Variants in DPY19L1 observed in about 807,000 individuals in gnomAD.
DPY19L1 encodes dpy-19 like C-mannosyltransferase 1, also known as protein C-mannosyl-transferase DPY19L1.
DPY19L1 carries 35 observed loss-of-function variants against 96.9 expected under a neutral mutation model. That is an observed-to-expected ratio of 0.36 (90% CI 0.28 to 0.48). DPY19L1 has a LOEUF of 0.48. DPY19L1 is among the 20% of genes least tolerant of loss of function. The probability of loss-of-function intolerance (pLI) is 0.99; values close to 1 mark genes in which losing one functional copy is unlikely to be tolerated. For synonymous variants in DPY19L1, 205 were observed against 252.6 expected, an observed-to-expected ratio of 0.81 and a Z score of 1.79; for missense variants, 521 against 777.9, an observed-to-expected ratio of 0.67 and a Z score of 3.93.
chr7:34,989,994 G>A, intron 6 of DPY19L1, 53 bp from the exon 7 acceptor site: 1 of 1,491,628 alleles, frequency 6.7e-7, no homozygotes, highest in Non-Finnish European at 9.2e-7. Context: ...TCAATCCTAA[G>A]AAAAACCTTA....
At chr7:34,962,692 G>GT (rs1044232280) in intron 10 of DPY19L1, among the ~76,000 whole-genome samples, 4 of 151,690 alleles carry the variant, frequency 2.6e-5, no homozygotes, top group African/African-American at 9.7e-5. Flanking sequence ...GCAAGATCCT[G>GT]TATCAAAAAA....
intron 7 of DPY19L1, among the ~76,000 whole-genome samples, chr7:34,982,978 T>A (rs1464784673): frequency 6.6e-6 from 1 of 152,072 alleles, no homozygotes; most frequent in Non-Finnish European, 1.5e-5. Context: ...AAAGGAATCA[T>A]CCCCTGAGTT....
At chr7:34,937,583 T>TA (rs963082012) in intron 21 of DPY19L1, among the ~76,000 whole-genome samples, 4 of 151,306 alleles carry the variant, frequency 2.6e-5, no homozygotes, top group African/African-American at 4.8e-5. Flanking sequence ...AATCATTATT[T>TA]AAAAAAAAAA....
rs553668700 is a variant in DPY19L1, at chr7:34,962,549, A to C, written c.1092+4345T>G. Among the ~76,000 whole-genome samples, 8 of 152,294 alleles carry C rather than the reference A, an allele frequency of 5.3e-5. No homozygotes were observed. In the East Asian group the frequency reaches 1.5e-3, roughly 29 times the overall value. On this transcript the variant is annotated intron_variant, in intron 10 of 21. Coordinates refer to ENST00000638088, the MANE Select transcript of DPY19L1 (RefSeq NM_001366673.1). ...TGTCATTATACATTTGTCAAAATCCAGGCCGATTGTGGTGGCTCACATCTG... is the reference window on the plus strand; with the variant it reads ...TGTCATTATACATTTGTCAAAATCCCGGCCGATTGTGGTGGCTCACATCTG...
At chr7:35,031,731 G>A (rs1786265110) in intron 1 of DPY19L1, among the ~76,000 whole-genome samples, 1 of 152,080 alleles carries the variant, frequency 6.6e-6, no homozygotes, top group Non-Finnish European at 1.5e-5. Flanking sequence ...TATCAAATTT[G>A]TTATTTGGAT....
At chr7:35,018,431 T>G in intron 2 of DPY19L1, 141 bp downstream of exon 2, 1 of 707,560 alleles carries the variant, frequency 1.4e-6, no homozygotes. Flanking sequence ...TCAATTAAAC[T>G]AGTTTTTCAG....
chr7:34,993,159 T>C, intron 6 of DPY19L1, among the ~76,000 whole-genome samples: 1 of 152,244 alleles, frequency 6.6e-6, no homozygotes, highest in East Asian at 1.9e-4. Flanking sequence ...TGTATTTAAA[T>C]ATGTTGATAT....
At position 34,939,353 on chromosome 7, in the gene DPY19L1, C is replaced by A; in HGVS notation, c.1887G>T (p.Met629Ile). The A allele has an allele frequency of 6.2e-7, 1 of 1,613,958 alleles. No homozygotes were observed. The highest frequency in any genetic ancestry group is 1.1e-5 in the South Asian group (1 of 91,034). ...AGAGCTTAACACTTGCCATCGTGGG[C>A]ATGGCACCCGCAAACACTGCATCTG... Reference protein sequence around the residue: ...TKPDAVFAGAMPTMASVKLSA... With the variant: ...TKPDAVFAGAIPTMASVKLSA... Residue 629 changes from methionine to isoleucine, a missense_variant, in exon 20 of 22, where the codon ATG (methionine) becomes ATT (isoleucine). Transcript: ENST00000638088.
intron 4 of DPY19L1, 67 bp from the exon 5 acceptor site, chr7:35,011,517 T>C (rs1271112152): frequency 3.6e-6 from 5 of 1,400,278 alleles, no homozygotes; most frequent in South Asian, 2.7e-5. Context: ...TAGAATACTT[T>C]TGAGATACTT....
At chr7:35,018,095 AC>A (rs1785904212) in intron 2 of DPY19L1, 126 bp from the exon 3 acceptor site, 1 of 577,410 alleles carries the variant, frequency 1.7e-6, no homozygotes, top group South Asian at 3.2e-5. Context: ...ACACTCAAAT[AC>A]AATAGTATCT....
At chr7:35,031,818 A>G (rs1786266869) in intron 1 of DPY19L1, among the ~76,000 whole-genome samples, 1 of 152,238 alleles carries the variant, frequency 6.6e-6, no homozygotes, top group African/African-American at 2.4e-5. Context: ...GATTATAAAC[A>G]TTCTTTAGAG....
chr7:34,942,836 A>G (rs938232492), intron 16 of DPY19L1, among the ~76,000 whole-genome samples, 197 bp from the exon 17 acceptor site: 20 of 152,234 alleles, frequency 1.3e-4, no homozygotes, highest in Admixed American at 1.0e-3. Flanking sequence ...ATGAAGAATG[A>G]CAATGTTGTA....
chr7:34,985,056 G>A (rs569003051), intron 7 of DPY19L1, among the ~76,000 whole-genome samples: 1 of 152,274 alleles, frequency 6.6e-6, no homozygotes, highest in East Asian at 1.9e-4. Context: ...ACACTGGAAA[G>A]AAGGGAAGAA....
At position 34,949,847 on chromosome 7, in the gene DPY19L1, CA is replaced by C; in HGVS notation, c.1371del (p.Phe457LeufsTer21). On this transcript the variant is annotated frameshift_variant, in exon 14 of 22. Coordinates refer to ENST00000638088, the MANE Select transcript of DPY19L1 (RefSeq NM_001366673.1). LOFTEE classifies it high-confidence loss of function. ...GCTGCACAGGTATACAATAAAGTAT[CA>C]AAATCCTTATAACTAAAGAATTTTG... ...LTSKFFSYKDFDTLLYTCAAE... is the reference protein window; with the variant it reads ...LTSKFFSYKDXDTLLYTCAAE... 6.2e-7 allele frequency: 1 copy of C among 1,602,746 alleles called. No homozygotes were observed. Among genetic ancestry groups the C allele is most frequent in the South Asian group, 1.1e-5 (1 of 88,110 alleles).
intron 7 of DPY19L1, among the ~76,000 whole-genome samples, chr7:34,983,624 C>T (rs112554744): frequency 6.6e-5 from 10 of 150,880 alleles, no homozygotes; most frequent in East Asian, 1.9e-4. Flanking sequence ...AATAAAGCAC[C>T]GCCAACTCCT....
At chr7:34,961,343 C>A (rs1454792576) in intron 10 of DPY19L1, among the ~76,000 whole-genome samples, 3 of 152,160 alleles carry the variant, frequency 2.0e-5, no homozygotes, top group African/African-American at 7.2e-5. Flanking sequence ...AATAGACTCA[C>A]ATATATAGTC....
chr7:34,986,809 C>T (rs150242670), intron 7 of DPY19L1, among the ~76,000 whole-genome samples: 343 of 152,006 alleles, frequency 2.3e-3, no homozygotes, highest in Non-Finnish European at 3.4e-3. Context: ...GGAGGCAATC[C>T]GTTAATTTAC....
chr7:34,942,293 A>G (rs1381236386), intron 17 of DPY19L1, among the ~76,000 whole-genome samples: 1 of 152,186 alleles, frequency 6.6e-6, no homozygotes, highest in Non-Finnish European at 1.5e-5. Context: ...CACATCTCTG[A>G]GGCCTCAAGC....
intron 21 of DPY19L1, among the ~76,000 whole-genome samples, chr7:34,933,511 T>C (rs1207796783): frequency 1.3e-5 from 2 of 152,214 alleles, no homozygotes. Context: ...CAAAGTATTG[T>C]TTCTGGGTGT....
Sources: gnomAD v4.1 joint callset for allele counts (sites outside exome capture counted in the v4.1 genomes callset) on GRCh38, gnomAD v4.1.1 for gene constraint, MANE v1.5 for transcripts, NCBI Gene and HGNC (gene_info 2026-07-23, HGNC 2026-07-21) for gene names.